The following CADM2 variants were observed in gnomAD, a reference collection of about 807,000 sequenced individuals.
CADM2 encodes cell adhesion molecule 2, also known as immunoglobulin superfamily member 4D.
A neutral mutation model predicts 49.8 loss-of-function variants in CADM2; 12 were observed. The observed-to-expected ratio is 0.24, with a 90% CI of 0.15 to 0.39. The LOEUF is 0.39. CADM2 is among the 10% of genes least tolerant of loss of function. CADM2 has a pLI of 1.00. For synonymous variants in CADM2, 214 were observed against 175.4 expected, an observed-to-expected ratio of 1.22 and a Z score of -1.74; for missense variants, 378 against 492.3, an observed-to-expected ratio of 0.77 and a Z score of 2.20.
chr3:85,988,123 C>T (rs543217211), intron 8 of CADM2, among the ~76,000 whole-genome samples: 1 of 152,266 alleles, frequency 6.6e-6, no homozygotes, highest in Admixed American at 6.5e-5. Context: ...TGCCACAAAG[C>T]GTGACTTCTG....
At chr3:86,053,049 T>G (rs1252461473) in intron 8 of CADM2, among the ~76,000 whole-genome samples, 2 of 152,138 alleles carry the variant, frequency 1.3e-5, no homozygotes, top group Non-Finnish European at 2.9e-5. Flanking sequence ...AAGGGTTAAC[T>G]ACACTGAAGT....
At chr3:85,083,726 CA>C (rs1377053461) in intron 1 of CADM2, among the ~76,000 whole-genome samples, 1 of 152,042 alleles carries the variant, frequency 6.6e-6, no homozygotes, top group African/African-American at 2.4e-5. Context: ...TCTCCTTGAT[CA>C]TTTTTTTGTC....
chr3:85,455,711 A>G (rs920232252), intron 1 of CADM2, among the ~76,000 whole-genome samples: 2 of 152,096 alleles, frequency 1.3e-5, no homozygotes, highest in African/African-American at 4.8e-5. Context: ...TTCTCAGCAG[A>G]AGGGCAATTT....
intron 1 of CADM2, among the ~76,000 whole-genome samples, chr3:85,131,934 T>C (rs759077105): frequency 6.6e-6 from 1 of 150,718 alleles, no homozygotes; most frequent in Non-Finnish European, 1.5e-5. Flanking sequence ...ATCAGGTGAA[T>C]TGGAATACAC....
chr3:85,111,308 CT>C (rs1227288454), intron 1 of CADM2, among the ~76,000 whole-genome samples: 2 of 151,652 alleles, frequency 1.3e-5, no homozygotes, highest in African/African-American at 2.4e-5. Flanking sequence ...TTAAAACTAA[CT>C]TTTTAAAGTT....
chr3:85,011,139 C>A (rs2033974694), intron 1 of CADM2, among the ~76,000 whole-genome samples: 1 of 152,064 alleles, frequency 6.6e-6, no homozygotes, highest in Non-Finnish European at 1.5e-5. Flanking sequence ...GCTGGGATCA[C>A]AGGCGTGAGC....
chr3:85,633,287 A>T (rs144902608), intron 1 of CADM2, among the ~76,000 whole-genome samples: 102 of 152,130 alleles, frequency 6.7e-4, no homozygotes, highest in African/African-American at 2.4e-3. Context: ...CAGATTTATA[A>T]CTTTAATGTT....
At chr3:85,592,520 T>C (rs2063134458) in intron 1 of CADM2, among the ~76,000 whole-genome samples, 1 of 151,898 alleles carries the variant, frequency 6.6e-6, no homozygotes, top group African/African-American at 2.4e-5. Flanking sequence ...ACAGGAATCA[T>C]AGGTTAGAGG....
At chr3:85,952,492 T>C (rs1448253048) in intron 7 of CADM2, among the ~76,000 whole-genome samples, 1 of 151,028 alleles carries the variant, frequency 6.6e-6, no homozygotes, top group East Asian at 2.0e-4. Context: ...TATTTCTTGG[T>C]TTTCTTGTAA....
chr3:85,666,391 A>C (rs2065569056), intron 1 of CADM2, among the ~76,000 whole-genome samples: 1 of 151,952 alleles, frequency 6.6e-6, no homozygotes, highest in African/African-American at 2.4e-5. Context: ...AGATTTAGAC[A>C]TGCTACCTAG....
At chr3:85,272,148 A>G (rs2043257568) in intron 1 of CADM2, among the ~76,000 whole-genome samples, 1 of 151,208 alleles carries the variant, frequency 6.6e-6, no homozygotes, top group Admixed American at 6.6e-5. Flanking sequence ...AATAACAGAG[A>G]AAGGCATGGA....
chr3:85,142,880 T>C (rs1178471624), intron 1 of CADM2, among the ~76,000 whole-genome samples: 3 of 152,144 alleles, frequency 2.0e-5, no homozygotes, highest in African/African-American at 7.2e-5. Flanking sequence ...CACCAGTTAG[T>C]GGGATTCACT....
At chr3:85,793,168 T>C (rs1375244068) in intron 2 of CADM2, among the ~76,000 whole-genome samples, 1 of 152,236 alleles carries the variant, frequency 6.6e-6, no homozygotes, top group Non-Finnish European at 1.5e-5. Context: ...GTCTGCTATT[T>C]AAAGATAGGA....
chr3:85,119,819 A>G (rs1045353440), intron 1 of CADM2, among the ~76,000 whole-genome samples: 1 of 152,184 alleles, frequency 6.6e-6, no homozygotes, highest in Non-Finnish European at 1.5e-5. Flanking sequence ...GTTGGTGTAT[A>G]TGAATGCTTG....
chr3:85,175,919 C>CTTTTTTTTTTTTT lies in CADM2; in HGVS notation c.61+216266_61+216278dup, dbSNP rs11329456. On this transcript the variant is annotated intron_variant, in intron 1 of 9. Transcript: ENST00000383699. ...CAGTTTATCTGAGTTATGTCCTAAT[C>CTTTTTTTTTTTTT]TTTTTTTTTTTTTTTTTTTTTTTTT... 3.3e-4 allele frequency among the ~76,000 whole-genome samples: 25 copies of CTTTTTTTTTTTTT among 76,264 alleles called. 3 individuals are homozygous for CTTTTTTTTTTTTT. The highest frequency in any genetic ancestry group is 7.3e-4 in the African/African-American group (12 of 16,430). 50.0% of individuals were successfully genotyped at this position (76,264 alleles called of 152,430 possible). A position where few individuals can be genotyped will look rare whatever the true frequency, so the allele number is the denominator to read the frequency against.
intron 1 of CADM2, among the ~76,000 whole-genome samples, chr3:85,574,481 T>A (rs2062573647): frequency 6.6e-6 from 1 of 152,188 alleles, no homozygotes; most frequent in South Asian, 2.1e-4. Context: ...TGTAAAATGA[T>A]ACATAGGCCC....
intron 1 of CADM2, among the ~76,000 whole-genome samples, chr3:85,436,140 C>T (rs1257453543): frequency 6.6e-6 from 1 of 151,992 alleles, no homozygotes; most frequent in African/African-American, 2.4e-5. Flanking sequence ...TCCTTCACAT[C>T]CCTTGTAAGT....
intron 1 of CADM2, among the ~76,000 whole-genome samples, chr3:85,270,015 C>T (rs1362624468): frequency 6.6e-6 from 1 of 151,144 alleles, no homozygotes; most frequent in Non-Finnish European, 1.5e-5. Context: ...AAAGAAGCAT[C>T]ATCTTCATCT....
chr3:85,316,431 T>A (rs2044465425), intron 1 of CADM2, among the ~76,000 whole-genome samples: 1 of 152,146 alleles, frequency 6.6e-6, no homozygotes, highest in African/African-American at 2.4e-5. Flanking sequence ...GGCTGAGTGT[T>A]GTCTGTCAGT....
Sources: gnomAD v4.1 joint callset for allele counts (sites outside exome capture counted in the v4.1 genomes callset) on GRCh38, gnomAD v4.1.1 for gene constraint, MANE v1.5 for transcripts, NCBI Gene and HGNC (gene_info 2026-07-23, HGNC 2026-07-21) for gene names.